KLC4: variants seen among roughly 807,000 people sequenced by gnomAD.
KLC4 encodes kinesin light chain 4, also known as kinesin-like protein 8.
A neutral mutation model predicts 77.2 loss-of-function variants in KLC4; 49 were observed. The ratio of observed to expected loss-of-function variants is 0.63; its 90% CI spans 0.50 to 0.80. The LOEUF is 0.80. Among genes scored for constraint, KLC4 ranks in the 30% least tolerant of loss-of-function variants. The pLI is 0.00. For synonymous variants in KLC4, 274 were observed against 314.5 expected, an observed-to-expected ratio of 0.87 and a Z score of 1.36; for missense variants, 669 against 793.5, an observed-to-expected ratio of 0.84 and a Z score of 1.89.
Position 43,072,257 on chromosome 6 carries a change from T to G in KLC4, c.1488+2T>G. On this transcript the variant is annotated splice_donor_variant, in intron 12 of 15. Coordinates refer to ENST00000347162, the MANE Select transcript of KLC4 (RefSeq NM_201521.3). LOFTEE classifies it high-confidence loss of function. ...TGTGCCCTGCGGTCCCGGAGACAGG[T>G]CAGAAGCCCAGAGGGGAAGGAGGTC... The G allele has an allele frequency of 1.2e-6, 2 of 1,611,462 alleles. No individual in the cohort carries two copies. Among genetic ancestry groups the G allele is most frequent in the Non-Finnish European group, 1.7e-6 (2 of 1,177,848 alleles).
rs755819569 is a variant in KLC4 at position 43,061,461 on chromosome 6, C to T, written c.126C>T (p.Ala42=). 3.0e-5 allele frequency: 48 copies of T among 1,614,060 alleles called. No homozygotes were observed. The highest frequency in any genetic ancestry group is 5.3e-5 in the African/African-American group (4 of 74,940). Residue 42 remains alanine (A), a synonymous_variant, in exon 2 of 16, where the codon GCC becomes GCT. Transcript: ENST00000347162. ...GLEALRSEHQ[A]VLQSLSQTIE... ...AGGCCCTACGCAGTGAACACCAGGC[C>T]GTGCTGCAAAGCCTGTCCCAGACCA...
At chr6:43,070,892 GAAGAAAC>G (rs1427770531) in intron 8 of KLC4, 27 bp downstream of exon 8, 1 of 674,286 alleles carries the variant, frequency 1.5e-6, no homozygotes, top group Non-Finnish European at 2.3e-6. Flanking sequence ...AAAGTAGGTG[GAAGAAAC>G]GGAGAGGGGG....
intron 8 of KLC4, 132 bp from the exon 9 acceptor site, chr6:43,071,143 G>C (rs952252968): frequency 9.2e-6 from 6 of 654,964 alleles, no homozygotes; most frequent in Non-Finnish European, 1.6e-5. Context: ...AGATCTCTGG[G>C]GAAAGTGAGA....
Position 43,070,879 on chromosome 6 carries a change from G to A in KLC4, c.1155+14G>A, listed in dbSNP as rs374224009. The A allele has an allele frequency of 8.3e-7, 1 of 1,205,162 alleles. No homozygotes were observed. The highest frequency in any genetic ancestry group is 1.1e-6 in the Non-Finnish European group (1 of 898,248). The allele number at this position is 1,205,162 out of a possible 1,614,324, so 74.7% of individuals were successfully genotyped here. On this transcript the variant is annotated intron_variant, in intron 8 of 15. Transcript: ENST00000347162. Reference sequence around the variant, plus strand: ...AAGAACAACCTGGTATGGGAGGAGGGACAAAGTAGGTGGAAGAAACGGAGA... The same window carrying A: ...AAGAACAACCTGGTATGGGAGGAGGAACAAAGTAGGTGGAAGAAACGGAGA...
intron 12 of KLC4, 52 bp from the exon 13 acceptor site, chr6:43,072,772 A>T: frequency 6.3e-7 from 1 of 1,593,714 alleles, no homozygotes; most frequent in South Asian, 1.1e-5. Context: ...TGAAAGCCCC[A>T]TCCTGAGGAG....
intron 1 of KLC4, chr6:43,060,122 C>A: frequency 6.3e-7 from 1 of 1,579,540 alleles, no homozygotes. Context: ...ACCTCCCATT[C>A]TTTCCTGCAT....
intron 3 of KLC4, among the ~76,000 whole-genome samples, chr6:43,065,065 CT>C (rs908857706): frequency 1.9e-4 from 28 of 149,790 alleles, no homozygotes; most frequent in African/African-American, 2.7e-4. Flanking sequence ...AGAAAGGAAA[CT>C]TTTTTTTTTC....
chr6:43,070,603 C>T, intron 7 of KLC4, 89 bp from the exon 8 acceptor site: 20 of 1,479,914 alleles, frequency 1.4e-5, no homozygotes, highest in Non-Finnish European at 1.8e-5. Context: ...CTCTGCTTTC[C>T]ACATGTGTGT....
chr6:43,065,309 G>A, intron 3 of KLC4: 2 of 254,248 alleles, frequency 7.9e-6, no homozygotes, highest in Non-Finnish European at 1.6e-5. Context: ...CCTGACCTCA[G>A]GTGATCTGCC....
chr6:43,066,191 G>T, intron 4 of KLC4, 115 bp from the exon 5 acceptor site: 1 of 840,906 alleles, frequency 1.2e-6, no homozygotes, highest in Non-Finnish European at 2.0e-6. Context: ...GTCTAATATT[G>T]AGAGTCCAGG....
intron 2 of KLC4, among the ~76,000 whole-genome samples, chr6:43,062,192 G>T (rs1350862937): frequency 6.6e-6 from 1 of 152,182 alleles, no homozygotes; most frequent in Non-Finnish European, 1.5e-5. Context: ...GGGTAATGGG[G>T]TTGGAGGGGA....
At position 43,061,570 on chromosome 6, in the gene KLC4, G is replaced by C; in HGVS notation, c.235G>C (p.Glu79Gln). The C allele has an allele frequency of 1.2e-6, 2 of 1,611,868 alleles. No homozygotes were observed. The highest frequency in any genetic ancestry group is 2.2e-5 in the East Asian group (1 of 44,810). The change falls in exon 2 of 16, where the codon GAG (glutamate) becomes CAG (glutamine). Residue 79 changes from glutamate (E) to glutamine (Q), a missense_variant. Glu to Gln is a conservative substitution (Grantham distance 29, BLOSUM62 2). Transcript: ENST00000347162. ...RQLRRSMENI[E>Q]LGLSEAQVML... ...GCTTCGCCGTTCTATGGAAAACATT[G>C]AGCTCGGGCTGAGTGAGGCCCAGGT...
In KLC4 at chr6:43,067,028, T is replaced by A; in HGVS notation, c.824T>A (p.Leu275Gln). The A allele has an allele frequency of 6.2e-7, 1 of 1,614,068 alleles. No individual in the cohort carries two copies. Among genetic ancestry groups the A allele is most frequent in the Non-Finnish European group, 8.5e-7 (1 of 1,179,932 alleles). ...DQNKYKEAAH[L>Q]LNDALSIRES... ...AATAAGTATAAGGAAGCTGCCCACC[T>A]GCTGAATGATGCCCTTAGCATCCGG... Residue 275 changes from leucine to glutamine, a missense_variant, in exon 6 of 16, where the codon CTG (leucine) becomes CAG (glutamine). Transcript: ENST00000347162.
intron 12 of KLC4, 92 bp downstream of exon 12, chr6:43,072,347 C>A: frequency 1.1e-6 from 1 of 944,932 alleles, no homozygotes; most frequent in South Asian, 1.4e-5. Context: ...TAAGAATAAG[C>A]GGAAAGGCTG....
intron 13 of KLC4, 99 bp downstream of exon 13, chr6:43,073,063 T>TC (rs1765808180): frequency 2.7e-6 from 4 of 1,457,134 alleles, no homozygotes; most frequent in Admixed American, 2.3e-5. Context: ...AGTGTATTCC[T>TC]TCAGGGGTAT....
chr6:43,060,027 C>T, intron 1 of KLC4: 1 of 1,462,162 alleles, frequency 6.8e-7, no homozygotes, highest in South Asian at 1.4e-5. Flanking sequence ...GGTCGACAGC[C>T]CGAGGCACTC....
chr6:43,060,086 C>A, intron 1 of KLC4: 2 of 1,541,762 alleles, frequency 1.3e-6, no homozygotes, highest in Non-Finnish European at 1.8e-6. Context: ...GCCGCGGTTC[C>A]TTGCGACCCG....
At chr6:43,062,724 C>A in intron 2 of KLC4, 193 bp from the exon 3 acceptor site, 1 of 596,174 alleles carries the variant, frequency 1.7e-6, no homozygotes, top group South Asian at 2.0e-5. Context: ...GTGGCTTGGT[C>A]CAGGGTGACA....
intron 3 of KLC4, among the ~76,000 whole-genome samples, chr6:43,063,388 A>G (rs1479378388): frequency 1.3e-5 from 2 of 152,192 alleles, no homozygotes; most frequent in Non-Finnish European, 2.9e-5. Flanking sequence ...TGTGCACTGC[A>G]CTGGTGAATG....
Sources: allele counts gnomAD v4.1 joint callset (sites outside exome capture counted in the v4.1 genomes callset), GRCh38; gene constraint gnomAD v4.1.1; transcripts MANE v1.5; gene names NCBI Gene and HGNC (gene_info 2026-07-23, HGNC 2026-07-21).